AGMO: variants seen among roughly 807,000 people sequenced by gnomAD.
The protein encoded by AGMO is glyceryl-ether monooxygenase.
A neutral mutation model predicts 60.2 loss-of-function variants in AGMO; 75 were observed. The observed-to-expected ratio is 1.25, with a 90% CI of 1.03 to 1.51. The LOEUF is 1.51. AGMO is among the 40% of genes most tolerant of loss of function. The probability of loss-of-function intolerance (pLI) is 0.00; values close to 1 mark genes in which losing one functional copy is unlikely to be tolerated. For missense variants in AGMO, 763 were observed against 525.5 expected (o/e 1.45, Z -4.42); for synonymous variants, 261 against 177.1 (o/e 1.47, Z -3.76).
intron 6 of AGMO, among the ~76,000 whole-genome samples, chr7:15,391,285 A>C (rs1487807325): frequency 1.3e-5 from 2 of 152,022 alleles, no homozygotes; most frequent in Non-Finnish European, 2.9e-5. Flanking sequence ...AAATGTTTTT[A>C]TTTTAAATTT....
At chr7:15,229,827 T>C (rs896016997) in intron 12 of AGMO, among the ~76,000 whole-genome samples, 3 of 149,730 alleles carry the variant, frequency 2.0e-5, no homozygotes, top group African/African-American at 7.3e-5. Flanking sequence ...GAGGCTCACA[T>C]CTCCTAATAA....
At chr7:15,453,644 G>A (rs1442969386) in intron 3 of AGMO, among the ~76,000 whole-genome samples, 1 of 152,162 alleles carries the variant, frequency 6.6e-6, no homozygotes, top group African/African-American at 2.4e-5. Flanking sequence ...AAATACCAAA[G>A]TCAGAAAAAC....
chr7:15,453,129 G>A (rs1202313519), intron 3 of AGMO, among the ~76,000 whole-genome samples: 1 of 152,164 alleles, frequency 6.6e-6, no homozygotes, highest in Admixed American at 6.6e-5. Flanking sequence ...TGATGAAAAT[G>A]TTCTGGAATT....
intron 3 of AGMO, among the ~76,000 whole-genome samples, chr7:15,434,358 C>T (rs145759531): frequency 4.6e-5 from 7 of 152,138 alleles, no homozygotes; most frequent in Admixed American, 3.3e-4. Flanking sequence ...TGAGTGTGAG[C>T]CAGATTTAGT....
intron 10 of AGMO, among the ~76,000 whole-genome samples, chr7:15,378,293 A>C (rs953760396): frequency 2.6e-5 from 4 of 152,034 alleles, no homozygotes; most frequent in African/African-American, 4.8e-5. Context: ...TTGGTTACTA[A>C]CTTTGAACAC....
chr7:15,362,115 T>C (rs1562458445), intron 12 of AGMO, among the ~76,000 whole-genome samples: 2 of 152,212 alleles, frequency 1.3e-5, no homozygotes, highest in South Asian at 2.1e-4. Context: ...ATTAGGTTTC[T>C]ATACTTATTG....
intron 3 of AGMO, among the ~76,000 whole-genome samples, chr7:15,532,976 G>C (rs190634107): frequency 6.6e-6 from 1 of 152,184 alleles, no homozygotes; most frequent in Admixed American, 6.6e-5. Context: ...GGGTGACAGA[G>C]CAAAACCCTG....
At chr7:15,483,006 A>T (rs997628882) in intron 3 of AGMO, among the ~76,000 whole-genome samples, 2 of 152,166 alleles carry the variant, frequency 1.3e-5, no homozygotes, top group African/African-American at 4.8e-5. Context: ...TATCTTTAAA[A>T]TACTCCTTTA....
At chr7:15,478,811 C>T (rs1194757609) in intron 3 of AGMO, among the ~76,000 whole-genome samples, 1 of 152,076 alleles carries the variant, frequency 6.6e-6, no homozygotes, top group Non-Finnish European at 1.5e-5. Flanking sequence ...ACTTCTCTTT[C>T]ATTTTCAAGT....
intron 12 of AGMO, among the ~76,000 whole-genome samples, chr7:15,209,668 C>G (rs1312048419): frequency 6.6e-6 from 1 of 152,070 alleles, no homozygotes; most frequent in African/African-American, 2.4e-5. Context: ...GCCTAAGTCT[C>G]AAGTCATAAA....
chr7:15,190,043 T>A, the AGMO span, among the ~76,000 whole-genome samples: 1 of 144,962 alleles, frequency 6.9e-6, no homozygotes, highest in African/African-American at 2.5e-5. Flanking sequence ...GAGGTGTTTG[T>A]GTAGTCCATG....
intron 3 of AGMO, among the ~76,000 whole-genome samples, chr7:15,484,302 T>G (rs1316488662): frequency 6.6e-6 from 1 of 152,162 alleles, no homozygotes; most frequent in African/African-American, 2.4e-5. Flanking sequence ...TTATATCCCA[T>G]TCTTTGGCCT....
chr7:15,453,019 C>G (rs1489493201), intron 3 of AGMO, among the ~76,000 whole-genome samples: 1 of 151,974 alleles, frequency 6.6e-6, no homozygotes, highest in African/African-American at 2.4e-5. Context: ...TCAAAATAGG[C>G]AACTCCACAA....
intron 3 of AGMO, among the ~76,000 whole-genome samples, chr7:15,455,333 C>G (rs1270405017): frequency 6.6e-6 from 1 of 152,048 alleles, no homozygotes; most frequent in Non-Finnish European, 1.5e-5. Flanking sequence ...GAAATATTCT[C>G]CTATTAATAT....
At chr7:15,441,063 C>T (rs1781541859) in intron 3 of AGMO, among the ~76,000 whole-genome samples, 1 of 152,134 alleles carries the variant, frequency 6.6e-6, no homozygotes. Flanking sequence ...TGATGACATG[C>T]ATAAAGAGCT....
chr7:15,560,084 C>G, intron 2 of AGMO, 57 bp downstream of exon 2: 1 of 1,438,666 alleles, frequency 7.0e-7, no homozygotes, highest in Non-Finnish European at 9.3e-7. Context: ...TTCCTTTGCC[C>G]CTCATACTTA....
chr7:15,464,471 G>A (rs925392995), intron 3 of AGMO, among the ~76,000 whole-genome samples: 23 of 152,248 alleles, frequency 1.5e-4, no homozygotes, highest in African/African-American at 5.1e-4. Flanking sequence ...TTTTAAACAA[G>A]TAAGTCGTAC....
intron 2 of AGMO, among the ~76,000 whole-genome samples, chr7:15,553,509 C>A (rs540692082): frequency 6.6e-6 from 1 of 151,876 alleles, no homozygotes; most frequent in Non-Finnish European, 1.5e-5. Flanking sequence ...CTACTAAGTG[C>A]CAGGCACAGC....
chr7:15,149,797 CTCT>C, the AGMO span, among the ~76,000 whole-genome samples: 1 of 151,936 alleles, frequency 6.6e-6, no homozygotes, highest in African/African-American at 2.4e-5. Context: ...GCTATTTGGG[CTCT>C]TCTTTGGTTT....
Sources: allele counts gnomAD v4.1 joint callset (sites outside exome capture counted in the v4.1 genomes callset), GRCh38; gene constraint gnomAD v4.1.1; transcripts MANE v1.5; gene names NCBI Gene and HGNC (gene_info 2026-07-23, HGNC 2026-07-21).